A2ML1: variants seen among roughly 807,000 people sequenced by gnomAD.
A2ML1 encodes alpha-2-macroglobulin-like protein 1.
Under a neutral mutation model 181.9 loss-of-function variants are expected in A2ML1, and 161 were observed. The ratio of observed to expected loss-of-function variants is 0.89; its 90% CI spans 0.78 to 1.01. The LOEUF (loss-of-function observed/expected upper bound fraction) is 1.01. Ranked by LOEUF, A2ML1 falls within the 50% of genes least tolerant of loss-of-function variation. The probability of loss-of-function intolerance (pLI) is 0.00; values close to 1 mark genes in which losing one functional copy is unlikely to be tolerated. For missense variants in A2ML1, 1,670 were observed against 1,768.1 expected, an observed-to-expected ratio of 0.94 and a Z score of 1.00; for synonymous variants, 663 against 666.8, an observed-to-expected ratio of 0.99 and a Z score of 0.09.
intron 26 of A2ML1, among the ~76,000 whole-genome samples, chr12:8,859,739 A>G (rs1944191146): frequency 6.6e-6 from 1 of 151,748 alleles, no homozygotes; most frequent in Non-Finnish European, 1.5e-5. Context: ...TACTTTTTGT[A>G]TTTTTAGTAG....
chr12:8,841,678 A>T, intron 11 of A2ML1, 142 bp downstream of exon 11: 1 of 793,506 alleles, frequency 1.3e-6, no homozygotes, highest in Non-Finnish European at 1.9e-6. Context: ...GTTGACAAAA[A>T]GTTTTCCTTA....
At chr12:8,838,691 T>C (rs962078917) in intron 9 of A2ML1, among the ~76,000 whole-genome samples, 2 of 151,442 alleles carry the variant, frequency 1.3e-5, no homozygotes, top group African/African-American at 4.9e-5. Context: ...GACGGGCAGA[T>C]CACGAGGTCA....
intron 17 of A2ML1, among the ~76,000 whole-genome samples, 188 bp from the exon 18 acceptor site, chr12:8,849,969 ACCT>A (rs1270042174): frequency 6.6e-6 from 1 of 151,192 alleles, no homozygotes; most frequent in African/African-American, 2.4e-5. Context: ...CCCCGGCCAA[ACCT>A]CCTTGGCTAT....
intron 7 of A2ML1, 29 bp downstream of exon 7, chr12:8,836,368 A>T (rs370100637): frequency 3.4e-5 from 53 of 1,579,694 alleles, no homozygotes; most frequent in African/African-American, 5.4e-5. Context: ...GATCTGGTGG[A>T]GATTAAAGAT....
At chr12:8,851,019 G>A (rs1241954936) in intron 18 of A2ML1, among the ~76,000 whole-genome samples, 2 of 152,168 alleles carry the variant, frequency 1.3e-5, no homozygotes, top group Non-Finnish European at 2.9e-5. Context: ...GATTACAGGT[G>A]TGAGCCACTG....
At chr12:8,845,654 T>C (rs1248821752) in intron 13 of A2ML1, 152 bp downstream of exon 13, 3 of 705,172 alleles carry the variant, frequency 4.3e-6, no homozygotes, top group Non-Finnish European at 4.7e-6. Flanking sequence ...GAGACCATCT[T>C]GGCTAACATG....
In A2ML1 at chr12:8,863,909, C is replaced by G. The variant is rs1222526460; in HGVS notation, c.3618C>G (p.Thr1206=). The G allele has an allele frequency of 1.2e-6, 2 of 1,614,146 alleles. No individual in the cohort carries two copies. The highest frequency in any genetic ancestry group is 1.3e-5 in the African/African-American group (1 of 75,068). ...LTAYALLAQL[T]KPSLTQKEIA... is the part of the protein sequence containing the mutation. ...CATATGCATTGTTGGCCCAGCTTAC[C>G]AAGCCCAGCCTGACTCAAAAGGAGA... is the stretch of plus-strand genomic sequence containing the variant. Residue 1206 remains threonine (T), a synonymous_variant, in exon 29 of 36, where the codon ACC becomes ACG. Transcript: ENST00000299698.
chr12:8,836,819 T>G (rs1236554851), intron 7 of A2ML1, among the ~76,000 whole-genome samples: 1 of 152,114 alleles, frequency 6.6e-6, no homozygotes, highest in African/African-American at 2.4e-5. Context: ...TGCTGTTTTT[T>G]TCCATTGCTC....
chr12:8,881,192 G>A (rs74687000), downstream of A2ML1, among the ~76,000 whole-genome samples: 32 of 152,120 alleles, frequency 2.1e-4, no homozygotes, highest in Non-Finnish European at 3.2e-4. Flanking sequence ...AAATGAAACC[G>A]AGAAAAGACA....
In A2ML1 at chr12:8,834,688, C is replaced by T. The variant is rs754169968; in HGVS notation, c.483+6C>T. The stretch of plus-strand genomic sequence containing the variant: ...ACTCCATGGTGGAACTACAGGTAAG[C>T]GGAAGTTTCTTTCTCTTCTCTGTCA... On this transcript the variant is annotated splice_donor_region_variant and intron_variant, in intron 5 of 35. Coordinates refer to ENST00000299698, the MANE Select transcript of A2ML1 (RefSeq NM_144670.6). 66 of 1,614,102 alleles carry T rather than the reference C, an allele frequency of 4.1e-5. No individual in the cohort carries two copies. Among genetic ancestry groups the T allele is most frequent in the South Asian group, 4.1e-4 (37 of 91,062 alleles).
chr12:8,831,372 A>G (rs1199482968), intron 4 of A2ML1, among the ~76,000 whole-genome samples: 2 of 152,130 alleles, frequency 1.3e-5, no homozygotes, highest in African/African-American at 4.8e-5. Context: ...TGATCTCATT[A>G]ACTACCCCTG....
In A2ML1 at chr12:8,875,021, A is replaced by G. The variant is rs756764535; in HGVS notation, c.*1+9A>G. 16 of 1,613,886 alleles carry G rather than the reference A, an allele frequency of 9.9e-6. No individual in the cohort carries two copies. In the Admixed American group the frequency reaches 2.2e-4, roughly 22 times the overall value. ...TGATCCCTGTGAATGAGGTAAGTCC[A>G]GCGGAGAAATGGGTGGAGTTATGGG... is the stretch of plus-strand genomic sequence containing the variant. On this transcript the variant is annotated intron_variant, in intron 35 of 35. Transcript: ENST00000299698.
chr12:8,828,565 G>A (rs1199094770), intron 3 of A2ML1, among the ~76,000 whole-genome samples: 7 of 152,066 alleles, frequency 4.6e-5, no homozygotes, highest in African/African-American at 1.7e-4. Context: ...CATAACTGGC[G>A]ACCCCAAGGG....
At chr12:8,857,891 G>T (rs1944123904) in intron 25 of A2ML1, 55 bp from the exon 26 acceptor site, 1 of 1,590,298 alleles carries the variant, frequency 6.3e-7, no homozygotes, top group African/African-American at 1.3e-5. Context: ...AGAAATGATT[G>T]CACCCTCACC....
In A2ML1 at chr12:8,848,874, C is replaced by T. The variant is rs201653915; in HGVS notation, c.1988C>T (p.Pro663Leu). The change falls in exon 16 of 36, where the codon CCC becomes CTC. Residue 663 changes from proline (P) to leucine (L), a missense_variant. Transcript: ENST00000299698. ...HSSQRSIIWR[P>L]SFSEGTDLFS... ...AGCCAGCGTTCCATTATCTGGAGGC[C>T]CTCGTTCTCTGAAGGCACGGACCTT... 2.4e-5 allele frequency: 39 copies of T among 1,613,896 alleles called. No homozygotes were observed. The highest frequency in any genetic ancestry group is 3.2e-5 in the Non-Finnish European group (38 of 1,180,008).
intron 4 of A2ML1, among the ~76,000 whole-genome samples, chr12:8,834,028 GTC>G (rs1943197122): frequency 6.6e-6 from 1 of 151,616 alleles, no homozygotes; most frequent in Admixed American, 6.6e-5. Context: ...TACCTTTGCA[GTC>G]TCTCTGAGCC....
In A2ML1 at chr12:8,843,319, G is replaced by A. The variant is rs191878427; in HGVS notation, c.1434G>A (p.Pro478=). The A allele has an allele frequency of 3.1e-4, 502 of 1,613,786 alleles. 3 individuals carry two copies. The highest frequency in any genetic ancestry group is 3.3e-4 in the Middle Eastern group (2 of 6,062). The stretch of plus-strand genomic sequence containing the variant: ...TGCTGGTGGATTATTACATCGACCC[G>A]GCCGATGCAAGCCCTGACCAAGAGA... ...QEVLVDYYID[P]ADASPDQEIS... is the part of the protein sequence containing the mutation. Residue 478 remains proline, a synonymous_variant, in exon 12 of 36, where the codon CCG becomes CCA. Transcript: ENST00000299698.
intron 4 of A2ML1, among the ~76,000 whole-genome samples, chr12:8,833,783 A>G (rs10842366): frequency 0.49 from 74,459 of 151,970 alleles, 19,487 homozygotes; most frequent in East Asian, 0.99. Context: ...ATGTTTATAT[A>G]GCCCAGGTTT....
intron 16 of A2ML1, 59 bp from the exon 17 acceptor site, chr12:8,849,610 G>A: frequency 1.5e-6 from 2 of 1,337,414 alleles, no homozygotes; most frequent in Non-Finnish European, 2.1e-6. Context: ...TTCCTGGGCA[G>A]TAGCCCTTGT....
Sources: gnomAD v4.1 joint callset for allele counts (sites outside exome capture counted in the v4.1 genomes callset) on GRCh38, gnomAD v4.1.1 for gene constraint, MANE v1.5 for transcripts, NCBI Gene and HGNC (gene_info 2026-07-23, HGNC 2026-07-21) for gene names.